CDIN1: variants seen among roughly 807,000 people sequenced by gnomAD.
The protein encoded by CDIN1 is CDAN1-interacting nuclease 1.
CDIN1 carries 33 observed loss-of-function variants against 45.3 expected under a neutral mutation model. The ratio of observed to expected loss-of-function variants is 0.73; its 90% CI spans 0.55 to 0.97. CDIN1 has a LOEUF of 0.97. CDIN1 is among the 50% of genes least tolerant of loss of function. The pLI is 0.00. For synonymous variants in CDIN1, 118 were observed against 124.4 expected (o/e 0.95, Z 0.34); for missense variants, 303 against 339.4 (o/e 0.89, Z 0.84).
chr15:36,790,376 G>T (rs1337792656), intron 10 of CDIN1: 1 of 152,252 alleles, frequency 6.6e-6, no homozygotes, highest in African/African-American at 2.4e-5. Flanking sequence ...AGGTACGCCA[G>T]TGTTGCAATA....
chr15:36,673,373 A>G (rs776243259), intron 5 of CDIN1, among the ~76,000 whole-genome samples: 4 of 152,140 alleles, frequency 2.6e-5, no homozygotes, highest in Non-Finnish European at 5.9e-5. Flanking sequence ...GAAGTTTGAT[A>G]TATGAGCATC....
At chr15:36,804,625 T>C (rs1313093752) in intron 10 of CDIN1, 2 of 150,124 alleles carry the variant, frequency 1.3e-5, no homozygotes, top group Non-Finnish European at 3.0e-5. Context: ...CCATCGTCTC[T>C]GATTGAATTT....
rs1278368269 is a variant in CDIN1 at position 36,616,886 on chromosome 15, CT to C, written c.102-27391del. Reference sequence around the variant, plus strand: ...GTTGCAGTGAGCCGAGATCGTGCTACTGCACTCCAGCTTGGGTGACACAGCA... The same window carrying C: ...GTTGCAGTGAGCCGAGATCGTGCTACGCACTCCAGCTTGGGTGACACAGCA... On this transcript the variant is annotated intron_variant, in intron 1 of 10. Coordinates refer to ENST00000566621, the MANE Select transcript of CDIN1 (RefSeq NM_001321759.2). Among the ~76,000 whole-genome samples, 3 of 152,062 alleles carry C rather than the reference CT, an allele frequency of 2.0e-5. No homozygotes were observed. The East Asian group carries it at 5.8e-4, about 29-fold the overall frequency.
intron 4 of CDIN1, among the ~76,000 whole-genome samples, chr15:36,655,092 C>G (rs1320595538): frequency 6.6e-6 from 1 of 152,088 alleles, no homozygotes; most frequent in African/African-American, 2.4e-5. Flanking sequence ...GTTATATTAG[C>G]AAGGAAGGAT....
chr15:36,597,948 A>G lies in CDIN1; in HGVS notation c.101+17987A>G, dbSNP rs534042184. Among the ~76,000 whole-genome samples, 14 of 152,276 alleles carry G rather than the reference A, an allele frequency of 9.2e-5. No homozygotes were observed. In the East Asian group the frequency reaches 2.7e-3, roughly 29 times the overall value. On this transcript the variant is annotated intron_variant, in intron 1 of 10. Transcript: ENST00000566621. ...ATTATTATTTTGTAGATATTTGGGA[A>G]CAATTCTCATTTATTTTATCACTCA... is the stretch of plus-strand genomic sequence containing the variant.
intron 10 of CDIN1, among the ~76,000 whole-genome samples, chr15:36,737,972 A>C (rs1277981735): frequency 2.0e-5 from 3 of 152,188 alleles, no homozygotes; most frequent in Non-Finnish European, 2.9e-5. Context: ...TGACTCCTTG[A>C]AACTTGACTT....
chr15:36,627,258 G>T (rs752925872), intron 1 of CDIN1: 18 of 164,302 alleles, frequency 1.1e-4, no homozygotes, highest in Non-Finnish European at 2.2e-4. Context: ...TGTGATCAAG[G>T]AGTGCATGGA....
intron 5 of CDIN1, among the ~76,000 whole-genome samples, chr15:36,665,956 G>T (rs1434608376): frequency 2.0e-5 from 3 of 152,160 alleles, no homozygotes; most frequent in Middle Eastern, 3.4e-3. Context: ...ATGGGATATT[G>T]ACTTGACGTT....
At chr15:36,644,437 C>T (rs955242937) in intron 2 of CDIN1, 114 bp downstream of exon 2, 3 of 1,112,108 alleles carry the variant, frequency 2.7e-6, no homozygotes, top group African/African-American at 1.6e-5. Context: ...AGGATGTTCT[C>T]CTTTCCACAT....
At chr15:36,690,054 C>G (rs188337174) in intron 5 of CDIN1, among the ~76,000 whole-genome samples, 4 of 152,288 alleles carry the variant, frequency 2.6e-5, no homozygotes, top group Non-Finnish European at 4.4e-5. Context: ...GGGTGATGCT[C>G]TTTTGGAGAT....
intron 1 of CDIN1, among the ~76,000 whole-genome samples, chr15:36,588,837 C>T (rs918312524): frequency 7.2e-5 from 11 of 152,104 alleles, no homozygotes; most frequent in East Asian, 1.9e-4. Context: ...TGTGTAGCTG[C>T]GAAAGGGATA....
intron 10 of CDIN1, chr15:36,747,244 C>T (rs1357789983): frequency 1.4e-5 from 5 of 353,290 alleles, no homozygotes. Context: ...TCCCGTAACA[C>T]TTGTAACAAA....
chr15:36,779,931 C>T (rs1389010187), intron 10 of CDIN1, among the ~76,000 whole-genome samples: 1 of 152,130 alleles, frequency 6.6e-6, no homozygotes, highest in Non-Finnish European at 1.5e-5. Context: ...TAGCCAGTCT[C>T]GTTTATGATG....
chr15:36,786,375 G>C (rs981305300), intron 10 of CDIN1, among the ~76,000 whole-genome samples: 2 of 152,132 alleles, frequency 1.3e-5, no homozygotes, highest in African/African-American at 4.8e-5. Flanking sequence ...TAATATTTCT[G>C]AAACTGTGCT....
At chr15:36,700,618 A>G (rs1595489854) in intron 8 of CDIN1, among the ~76,000 whole-genome samples, 1 of 151,344 alleles carries the variant, frequency 6.6e-6, no homozygotes, top group Non-Finnish European at 1.5e-5. Flanking sequence ...AGTTGAGCTC[A>G]TAAGGTTGGC....
At chr15:36,711,849 G>C (rs964612046) in intron 10 of CDIN1, among the ~76,000 whole-genome samples, 28 of 152,242 alleles carry the variant, frequency 1.8e-4, no homozygotes, top group African/African-American at 6.5e-4. Flanking sequence ...GTTTGAAATG[G>C]AACTTTGGGG....
chr15:36,777,260 A>G (rs1236303601), intron 10 of CDIN1, among the ~76,000 whole-genome samples: 2 of 152,146 alleles, frequency 1.3e-5, no homozygotes, highest in African/African-American at 4.8e-5. Context: ...AAAAAGAAAT[A>G]CTTGAGCTTA....
chr15:36,788,810 T>C (rs1262741094), intron 10 of CDIN1, among the ~76,000 whole-genome samples: 4 of 152,162 alleles, frequency 2.6e-5, no homozygotes, highest in Admixed American at 1.3e-4. Flanking sequence ...GGTAAAATGG[T>C]TCACCAAAAC....
At chr15:36,765,057 CTTTCTTTT>C (rs1005892903) in intron 10 of CDIN1, among the ~76,000 whole-genome samples, 2 of 139,644 alleles carry the variant, frequency 1.4e-5, no homozygotes, top group Non-Finnish European at 3.1e-5. Context: ...ATTTTTCTTT[CTTTCTTTT>C]TTTTTTTTTA....
Sources: gnomAD v4.1 joint callset for allele counts (sites outside exome capture counted in the v4.1 genomes callset) on GRCh38, gnomAD v4.1.1 for gene constraint, MANE v1.5 for transcripts, NCBI Gene and HGNC (gene_info 2026-07-23, HGNC 2026-07-21) for gene names.